The following PSIP1 variants were observed in gnomAD, a reference collection of about 807,000 sequenced individuals.
The protein encoded by PSIP1 is PC4 and SFRS1-interacting protein.
In PSIP1, 19 loss-of-function variants were observed where a neutral mutation model predicts 74.7. The ratio of observed to expected loss-of-function variants is 0.25; its 90% CI spans 0.18 to 0.37. The LOEUF is 0.37. Ranked by LOEUF, PSIP1 falls within the 10% of genes least tolerant of loss-of-function variation. The pLI is 1.00. For missense variants in PSIP1, 601 were observed against 614.3 expected (o/e 0.98, Z 0.23); for synonymous variants, 222 against 195.3 (o/e 1.14, Z -1.14).
At position 15,489,989 on chromosome 9, in the gene PSIP1, T is replaced by C; in HGVS notation, c.285A>G (p.Gln95=). 6.4e-7 allele frequency: 1 copy of C among 1,568,822 alleles called. No homozygotes were observed. Among genetic ancestry groups the C allele is most frequent in the Non-Finnish European group, 8.6e-7 (1 of 1,158,360 alleles). The change falls in exon 4 of 16, where the codon CAA becomes CAG. Residue 95 remains glutamine (Q), a synonymous_variant. Coordinates refer to ENST00000380733, the MANE Select transcript of PSIP1 (RefSeq NM_033222.5). ...AATTTTATGTAATATGACTTACCTG[T>C]TGACTTGAAAATTTCACTTTTGGAT... ...DNNPKVKFSS[Q]QAATKQSNAS...
intron 3 of PSIP1, among the ~76,000 whole-genome samples, chr9:15,503,984 A>G (rs1396189467): frequency 6.6e-6 from 1 of 152,176 alleles, no homozygotes; most frequent in Non-Finnish European, 1.5e-5. Flanking sequence ...TGACCTCGTC[A>G]TCCGCCCGCT....
chr9:15,467,816 C>T (rs1011880693), intron 14 of PSIP1, among the ~76,000 whole-genome samples: 1 of 152,180 alleles, frequency 6.6e-6, no homozygotes, highest in African/African-American at 2.4e-5. Flanking sequence ...TGCTACACAT[C>T]TAAGTGCTTT....
At chr9:15,469,134 C>CAA in intron 12 of PSIP1, 76 bp from the exon 13 acceptor site, 2 of 1,404,050 alleles carry the variant, frequency 1.4e-6, no homozygotes, top group Admixed American at 2.2e-5. Context: ...AGATCGTTTC[C>CAA]AAAAAAAAAG....
At chr9:15,468,224 T>C in intron 14 of PSIP1, 1 of 414,662 alleles carries the variant, frequency 2.4e-6, no homozygotes, top group South Asian at 1.8e-5. Context: ...ATGGCAGGTG[T>C]AGTCTCCACC....
chr9:15,488,740 G>C (rs1270700935), intron 4 of PSIP1, among the ~76,000 whole-genome samples: 2 of 151,980 alleles, frequency 1.3e-5, no homozygotes, highest in African/African-American at 4.8e-5. Context: ...CAAAAAATTA[G>C]GCTGGACACA....
intron 4 of PSIP1, among the ~76,000 whole-genome samples, chr9:15,488,880 G>A (rs2036687452): frequency 2.0e-5 from 3 of 152,232 alleles, no homozygotes; most frequent in African/African-American, 7.2e-5. Flanking sequence ...AATTAGCCGG[G>A]TGTGGTGGCG....
chr9:15,472,058 G>A (rs2795125), intron 10 of PSIP1: 1 of 975,418 alleles, frequency 1.0e-6, no homozygotes, highest in Non-Finnish European at 1.2e-6. Context: ...TAAGGGGAAA[G>A]AAATTCCCCA....
At chr9:15,506,328 G>C (rs930353973) in intron 3 of PSIP1, 2 of 372,450 alleles carry the variant, frequency 5.4e-6, no homozygotes, top group African/African-American at 4.1e-5. Context: ...CATTCTTATT[G>C]CTCAGAGAAT....
intron 10 of PSIP1, chr9:15,471,991 A>T: frequency 1.0e-6 from 1 of 974,316 alleles, no homozygotes; most frequent in Non-Finnish European, 1.2e-6. Flanking sequence ...AAAGACACGA[A>T]GTCTGTTCAT....
intron 3 of PSIP1, among the ~76,000 whole-genome samples, chr9:15,498,435 A>G (rs967330396): frequency 6.6e-6 from 1 of 152,108 alleles, no homozygotes; most frequent in African/African-American, 2.4e-5. Flanking sequence ...AACAAAACAA[A>G]AAAACAAAGA....
At position 15,464,079 on chromosome 9, in the gene PSIP1, T is replaced by A. The variant is rs2035442162; in HGVS notation, c.*1441A>T. 5.6e-6 allele frequency: 1 copy of A among 178,044 alleles called. No individual in the cohort carries two copies. The highest frequency in any genetic ancestry group is 2.0e-4 in the South Asian group (1 of 5,050). The allele number at this position is 178,044 out of a possible 1,614,324, so 11.0% of individuals were successfully genotyped here. On this transcript the variant is annotated 3_prime_UTR_variant, in exon 16 of 16. Coordinates refer to ENST00000380733, the MANE Select transcript of PSIP1 (RefSeq NM_033222.5). ...TTACTAGCAGAGTTTGATAGAAAAA[T>A]TCTTTAATGAAAACAAGTTTACACG...
At chr9:15,504,736 CAAAAAAA>C (rs576748638) in intron 3 of PSIP1, among the ~76,000 whole-genome samples, 1 of 102,280 alleles carries the variant, frequency 9.8e-6, no homozygotes, top group Non-Finnish European at 2.1e-5. Context: ...GACTCGGTCT[CAAAAAAA>C]AAAAAAAGAA....
chr9:15,499,132 C>T (rs1292071607), intron 3 of PSIP1, among the ~76,000 whole-genome samples: 2 of 152,182 alleles, frequency 1.3e-5, no homozygotes, highest in East Asian at 3.8e-4. Context: ...GGCAAGGTCA[C>T]CTACCTATTA....
At chr9:15,481,773 A>G (rs1014521758) in intron 6 of PSIP1, among the ~76,000 whole-genome samples, 3 of 152,184 alleles carry the variant, frequency 2.0e-5, no homozygotes, top group Non-Finnish European at 4.4e-5. Context: ...TTAAAACTAT[A>G]TTAACACTAA....
At chr9:15,479,208 A>G (rs1381919957) in intron 7 of PSIP1, among the ~76,000 whole-genome samples, 2 of 152,160 alleles carry the variant, frequency 1.3e-5, no homozygotes, top group Non-Finnish European at 2.9e-5. Flanking sequence ...CAAAATCCCT[A>G]TCAATAAAGA....
At chr9:15,469,836 A>G (rs758326254) in intron 11 of PSIP1, 102 bp downstream of exon 11, 1 of 928,746 alleles carries the variant, frequency 1.1e-6, no homozygotes, top group Non-Finnish European at 1.7e-6. Flanking sequence ...TTTGTAGGAT[A>G]TGAGTATAAA....
chr9:15,471,950 G>A (rs2035851476), intron 10 of PSIP1: 1 of 973,950 alleles, frequency 1.0e-6, no homozygotes, highest in South Asian at 4.7e-5. Context: ...AGAAGTGACA[G>A]TCTAAAGGTA....
chr9:15,487,544 CAA>C (rs2036607957), intron 4 of PSIP1, among the ~76,000 whole-genome samples: 1 of 151,982 alleles, frequency 6.6e-6, no homozygotes, highest in Admixed American at 6.6e-5. Context: ...TGCAGCGAGA[CAA>C]GATCAAAATT....
intron 2 of PSIP1, among the ~76,000 whole-genome samples, chr9:15,508,554 T>C (rs2037705850): frequency 6.6e-6 from 1 of 152,216 alleles, no homozygotes; most frequent in Non-Finnish European, 1.5e-5. Flanking sequence ...TTTAAACATT[T>C]CCTTTGGCTT....
Sources: gnomAD v4.1 joint callset for allele counts (sites outside exome capture counted in the v4.1 genomes callset) on GRCh38, gnomAD v4.1.1 for gene constraint, MANE v1.5 for transcripts, NCBI Gene and HGNC (gene_info 2026-07-23, HGNC 2026-07-21) for gene names.